ADAM10: variants seen among roughly 807,000 people sequenced by gnomAD.
ADAM10 encodes the protein ADAM metallopeptidase domain 10.
Under a neutral mutation model 90.1 loss-of-function variants are expected in ADAM10, and 17 were observed. The observed-to-expected ratio is 0.19, with a 90% CI of 0.13 to 0.28. The LOEUF (loss-of-function observed/expected upper bound fraction) is 0.28, where lower values mean the gene tolerates loss of function less well. Ranked by LOEUF, ADAM10 falls within the 10% of genes least tolerant of loss-of-function variation. ADAM10 has a pLI of 1.00. For synonymous variants in ADAM10, 310 were observed against 298.6 expected, an observed-to-expected ratio of 1.04 and a Z score of -0.40; for missense variants, 610 against 914.3, an observed-to-expected ratio of 0.67 and a Z score of 4.29.
At chr15:58,726,808 C>A (rs1353672443) in intron 1 of ADAM10, among the ~76,000 whole-genome samples, 1 of 147,772 alleles carries the variant, frequency 6.8e-6, no homozygotes, top group Non-Finnish European at 1.5e-5. Flanking sequence ...GGCTGCAATG[C>A]ACTATGATCA....
intron 14 of ADAM10, among the ~76,000 whole-genome samples, chr15:58,604,090 G>A (rs1427987709): frequency 6.6e-6 from 1 of 152,026 alleles, no homozygotes; most frequent in Non-Finnish European, 1.5e-5. Flanking sequence ...GGCCGGGCAC[G>A]GTGGCTCATG....
At chr15:58,694,561 A>G (rs1416628437) in intron 2 of ADAM10, among the ~76,000 whole-genome samples, 1 of 152,152 alleles carries the variant, frequency 6.6e-6, no homozygotes, top group Non-Finnish European at 1.5e-5. Flanking sequence ...AAACAAAAAA[A>G]GCTTATGACC....
At chr15:58,608,751 T>C (rs1481443887) in intron 14 of ADAM10, among the ~76,000 whole-genome samples, 1 of 152,186 alleles carries the variant, frequency 6.6e-6, no homozygotes, top group Non-Finnish European at 1.5e-5. Flanking sequence ...AAAGATCATG[T>C]CTATTAAATA....
At chr15:58,736,965 G>C (rs1206479062) in intron 1 of ADAM10, among the ~76,000 whole-genome samples, 1 of 151,602 alleles carries the variant, frequency 6.6e-6, no homozygotes, top group Non-Finnish European at 1.5e-5. Flanking sequence ...TTTTTTAAGG[G>C]GGAAGACTAA....
At chr15:58,691,934 C>T (rs1897822589) in intron 2 of ADAM10, 3 of 392,526 alleles carry the variant, frequency 7.6e-6, no homozygotes, top group South Asian at 1.9e-5. Context: ...CCTCAGCCTC[C>T]CAAAGTGCTA....
At chr15:58,707,008 C>CAA (rs796234312) in intron 2 of ADAM10, among the ~76,000 whole-genome samples, 8 of 41,754 alleles carry the variant, frequency 1.9e-4, no homozygotes, top group South Asian at 7.6e-4. Flanking sequence ...GACTCCATCT[C>CAA]AAAAAAAAAA....
intron 2 of ADAM10, among the ~76,000 whole-genome samples, chr15:58,708,592 G>C (rs1898377724): frequency 6.6e-6 from 1 of 152,102 alleles, no homozygotes; most frequent in Non-Finnish European, 1.5e-5. Context: ...GAGCTCAGAA[G>C]TTTGAGGCCA....
At chr15:58,692,401 G>A (rs753428738) in intron 2 of ADAM10, 1 of 573,624 alleles carries the variant, frequency 1.7e-6, no homozygotes, top group South Asian at 1.4e-5. Flanking sequence ...GATCTTCTTT[G>A]TTTTCTTCTT....
Position 58,593,715 on chromosome 15 carries a change from A to G in ADAM10, c.*3832T>C, listed in dbSNP as rs1365478185. 1 of 152,026 alleles carries G rather than the reference A, an allele frequency of 6.6e-6. No individual in the cohort carries two copies. Among genetic ancestry groups the G allele is most frequent in the Non-Finnish European group, 1.5e-5 (1 of 68,002 alleles). 9.4% of individuals were successfully genotyped at this position (152,026 alleles called of 1,614,324 possible). Reference sequence around the variant, plus strand: ...AGATTTCAGGAAAAAGCAAAAACTAATCAGTATTTTGCTCAATGCTCCGTT... The same window carrying G: ...AGATTTCAGGAAAAAGCAAAAACTAGTCAGTATTTTGCTCAATGCTCCGTT... On this transcript the variant is annotated 3_prime_UTR_variant, in exon 16 of 16. Coordinates refer to ENST00000260408, the MANE Select transcript of ADAM10 (RefSeq NM_001110.4).
chr15:58,645,985 T>A (rs554219158), intron 6 of ADAM10, 70 bp downstream of exon 6: 2 of 1,556,290 alleles, frequency 1.3e-6, no homozygotes, highest in East Asian at 2.3e-5. Context: ...CTAACTTAAA[T>A]TTTTAAAGGA....
intron 1 of ADAM10, chr15:58,748,812 C>G: frequency 2.5e-6 from 1 of 397,636 alleles, no homozygotes. Flanking sequence ...TGATCTCTCT[C>G]CAAACACAGG....
In ADAM10 at chr15:58,732,937, C is replaced by T. The variant is rs151051223; in HGVS notation, c.56-15210G>A. ...AAAATTCTTCAGCCACAATTCCTAT[C>T]TTACAGCATATAAGAGAATTCGTGA... On this transcript the variant is annotated intron_variant, in intron 1 of 15. Transcript: ENST00000260408. 103 of 152,900 alleles carry T rather than the reference C, an allele frequency of 6.7e-4. No individual in the cohort carries two copies. The East Asian group carries it at 0.018, about 26-fold the overall frequency. 9.5% of individuals were successfully genotyped at this position (152,900 alleles called of 1,614,324 possible).
chr15:58,668,140 T>C (rs1388884027), intron 4 of ADAM10, among the ~76,000 whole-genome samples: 3 of 152,164 alleles, frequency 2.0e-5, no homozygotes, highest in African/African-American at 7.2e-5. Flanking sequence ...AATGTTGCTT[T>C]ATTATTCTGA....
At chr15:58,632,342 A>T (rs1410219653) in intron 9 of ADAM10, among the ~76,000 whole-genome samples, 1 of 152,182 alleles carries the variant, frequency 6.6e-6, no homozygotes, top group Non-Finnish European at 1.5e-5. Context: ...ACGTAAGGAT[A>T]GATAGAGTTC....
intron 2 of ADAM10, among the ~76,000 whole-genome samples, chr15:58,689,606 C>T (rs1897717632): frequency 6.6e-6 from 1 of 152,000 alleles, no homozygotes. Flanking sequence ...TTAAAAAATA[C>T]ATTGTCAATG....
chr15:58,676,126 A>C (rs1357687987), intron 4 of ADAM10: 3 of 325,722 alleles, frequency 9.2e-6, no homozygotes, highest in Non-Finnish European at 1.2e-5. Context: ...CAAATGTATG[A>C]TTTTAGAGAG....
intron 5 of ADAM10, among the ~76,000 whole-genome samples, chr15:58,659,125 T>C (rs1455662789): frequency 6.6e-6 from 1 of 151,882 alleles, no homozygotes; most frequent in African/African-American, 2.4e-5. Context: ...ATACAAAAAT[T>C]AGGTGGGCGT....
At position 58,691,957 on chromosome 15, in the gene ADAM10, T is replaced by C. The variant is rs1379545211; in HGVS notation, c.207-9643A>G. ...TCCCAAAGTGCTAGGATTACAGGCG[T>C]GAGCCACCATGCCCAGCCGGCATTT... On this transcript the variant is annotated intron_variant, in intron 2 of 15. Coordinates refer to ENST00000260408, the MANE Select transcript of ADAM10 (RefSeq NM_001110.4). 7.1e-6 allele frequency: 3 copies of C among 419,914 alleles called. No homozygotes were observed. In the Admixed American group the frequency reaches 7.5e-5, roughly 10 times the overall value. 26.0% of individuals were successfully genotyped at this position (419,914 alleles called of 1,614,324 possible). A position where few individuals can be genotyped will look rare whatever the true frequency, so the allele number is the denominator to read the frequency against.
At chr15:58,712,297 G>A (rs1311217018) in intron 2 of ADAM10, among the ~76,000 whole-genome samples, 1 of 152,068 alleles carries the variant, frequency 6.6e-6, no homozygotes, top group Non-Finnish European at 1.5e-5. Flanking sequence ...GCTCACACCT[G>A]TAATCCCAGC....
Sources: allele counts gnomAD v4.1 joint callset (sites outside exome capture counted in the v4.1 genomes callset), GRCh38; gene constraint gnomAD v4.1.1; transcripts MANE v1.5; gene names NCBI Gene and HGNC (gene_info 2026-07-23, HGNC 2026-07-21).